LTBP2: variants seen among roughly 807,000 people sequenced by gnomAD.
LTBP2 encodes latent transforming growth factor beta binding protein 2, also known as latent-transforming growth factor beta-binding protein 2.
Under a neutral mutation model 210.6 loss-of-function variants are expected in LTBP2, and 103 were observed. The ratio of observed to expected loss-of-function variants is 0.49; its 90% CI spans 0.42 to 0.58. The LOEUF (loss-of-function observed/expected upper bound fraction) is 0.58, where lower values mean the gene tolerates loss of function less well. Among genes scored for constraint, LTBP2 ranks in the 20% least tolerant of loss-of-function variants. LTBP2 has a pLI of 0.00. For synonymous variants in LTBP2, 1,007 were observed against 1,015.0 expected, an observed-to-expected ratio of 0.99 and a Z score of 0.15; for missense variants, 2,313 against 2,494.5, an observed-to-expected ratio of 0.93 and a Z score of 1.55.
intron 8 of LTBP2, among the ~76,000 whole-genome samples, chr14:74,544,612 C>G (rs1402639113): frequency 1.3e-5 from 2 of 152,180 alleles, no homozygotes; most frequent in Non-Finnish European, 2.9e-5. Flanking sequence ...GGGCTGGCAT[C>G]ACAGAGCTAC....
At chr14:74,570,956 G>A (rs2087967342) in intron 3 of LTBP2, among the ~76,000 whole-genome samples, 2 of 152,048 alleles carry the variant, frequency 1.3e-5, no homozygotes, top group South Asian at 4.2e-4. Context: ...CCGAGGCAGG[G>A]GACAAGTAAG....
At chr14:74,515,526 G>A (rs1360617636) in intron 18 of LTBP2, among the ~76,000 whole-genome samples, 2 of 152,008 alleles carry the variant, frequency 1.3e-5, no homozygotes, top group African/African-American at 4.8e-5. Flanking sequence ...CAAAGTGCTG[G>A]GATTACAGAT....
Position 74,511,362 on chromosome 14 carries a change from T to C in LTBP2, c.2911A>G (p.Ile971Val). ...GTACCGGGGTGACGGCATTCGTTGA[T>C]ATCTGCAAAACAGCAGCCCCTCCCT... ...IMVRKGHCQD[I>V]NECRHPGTCP... The change falls in exon 19 of 36, where the codon ATC (isoleucine) becomes GTC (valine). Residue 971 changes from isoleucine (I) to valine (V), a missense_variant and splice_region_variant. Transcript: ENST00000261978. 6.2e-7 allele frequency: 1 copy of C among 1,614,042 alleles called. No homozygotes were observed. The highest frequency in any genetic ancestry group is 1.3e-5 in the African/African-American group (1 of 75,036).
chr14:74,503,803 G>A lies in LTBP2; in HGVS notation c.4582+123C>T. Reference sequence around the variant, plus strand: ...CTCCTTCACCTGGGACCAGCCTGCTGCAGTGGGCGGCCTCCCTAGGAAGGG... The same window carrying A: ...CTCCTTCACCTGGGACCAGCCTGCTACAGTGGGCGGCCTCCCTAGGAAGGG... On this transcript the variant is annotated intron_variant, in intron 31 of 35. Transcript: ENST00000261978. 6 of 1,451,040 alleles carry A rather than the reference G, an allele frequency of 4.1e-6. No individual in the cohort carries two copies. In the South Asian group the frequency reaches 7.3e-5, roughly 18 times the overall value. 89.9% of individuals were successfully genotyped at this position (1,451,040 alleles called of 1,614,324 possible).
At chr14:74,551,799 A>G (rs1338131260) in intron 6 of LTBP2, among the ~76,000 whole-genome samples, 3 of 152,098 alleles carry the variant, frequency 2.0e-5, no homozygotes, top group Admixed American at 1.3e-4. Flanking sequence ...TGATCCCCTA[A>G]AGCATTCTGT....
intron 27 of LTBP2, 85 bp downstream of exon 27, chr14:74,506,613 C>T: frequency 6.3e-7 from 1 of 1,591,394 alleles, no homozygotes; most frequent in Non-Finnish European, 8.5e-7. Flanking sequence ...GTGATGGAGC[C>T]ACGTGACCAG....
chr14:74,530,392 C>T (rs1273902022), intron 10 of LTBP2, among the ~76,000 whole-genome samples: 1 of 152,188 alleles, frequency 6.6e-6, no homozygotes, highest in Non-Finnish European at 1.5e-5. Flanking sequence ...ATCTGGTGAC[C>T]ACCTTTGAAG....
chr14:74,527,016 C>T (rs1457137776), intron 13 of LTBP2, among the ~76,000 whole-genome samples: 1 of 152,200 alleles, frequency 6.6e-6, no homozygotes, highest in Non-Finnish European at 1.5e-5. Context: ...CTCCACACCT[C>T]GTCTGCAGTG....
At chr14:74,585,633 C>T (rs915504679) in intron 3 of LTBP2, among the ~76,000 whole-genome samples, 1 of 152,180 alleles carries the variant, frequency 6.6e-6, no homozygotes, top group Non-Finnish European at 1.5e-5. Context: ...CTTCCCTCCT[C>T]CTCTTCCCAC....
At chr14:74,507,826 C>A (rs1386214893) in intron 25 of LTBP2, 147 bp downstream of exon 25, 3 of 1,065,642 alleles carry the variant, frequency 2.8e-6, no homozygotes, top group African/African-American at 1.6e-5. Flanking sequence ...CCTTGGACAG[C>A]CCCTGAGCCC....
chr14:74,507,979 ACT>A lies in LTBP2; in HGVS notation c.3767_3768del (p.Glu1256ValfsTer5). ...CTCCCCCCAGAGCCCTTACCCACAC[ACT>A]CTCCACTCTCTGGGGAGGGCTGGAA... is the stretch of plus-strand genomic sequence containing the variant. ...TGFQPSPESG[E>X]CVDIDECEDY... On this transcript the variant is annotated frameshift_variant, in exon 25 of 36. Coordinates refer to ENST00000261978, the MANE Select transcript of LTBP2 (RefSeq NM_000428.3). LOFTEE classifies it high-confidence loss of function. 1.9e-6 allele frequency: 3 copies of A among 1,612,934 alleles called. No homozygotes were observed. Among genetic ancestry groups the A allele is most frequent in the Non-Finnish European group, 2.5e-6 (3 of 1,179,898 alleles).
chr14:74,531,813 G>A (rs2087354054), intron 10 of LTBP2, among the ~76,000 whole-genome samples: 1 of 152,246 alleles, frequency 6.6e-6, no homozygotes, highest in Non-Finnish European at 1.5e-5. Context: ...TTCTGCCATT[G>A]GGGGCTGCTG....
At chr14:74,536,675 A>G (rs1391187010) in intron 8 of LTBP2, among the ~76,000 whole-genome samples, 1 of 152,136 alleles carries the variant, frequency 6.6e-6, no homozygotes, top group East Asian at 1.9e-4. Context: ...GTGAAACCCC[A>G]TCTCTACTAA....
In LTBP2 at chr14:74,527,919, G is replaced by A. The variant is rs148213520; in HGVS notation, c.2369-553C>T. On this transcript the variant is annotated intron_variant, in intron 12 of 35. Transcript: ENST00000261978. The stretch of plus-strand genomic sequence containing the variant: ...AGCAGTTTGACCAATCACATAGTTT[G>A]CTGGCGCTATGACGTTCCAGGCCTC... 3.0e-3 allele frequency among the ~76,000 whole-genome samples: 454 copies of A among 152,356 alleles called. 10 individuals are homozygous for A. In the South Asian group the frequency reaches 0.078, roughly 26 times the overall value.
At chr14:74,548,363 T>A (rs1033641574) in intron 8 of LTBP2, among the ~76,000 whole-genome samples, 5 of 152,056 alleles carry the variant, frequency 3.3e-5, no homozygotes, top group Admixed American at 3.3e-4. Flanking sequence ...TCATTCCTGA[T>A]GCCTACCAGC....
At chr14:74,566,877 A>G (rs1443759395) in intron 3 of LTBP2, among the ~76,000 whole-genome samples, 1 of 152,128 alleles carries the variant, frequency 6.6e-6, no homozygotes, top group Non-Finnish European at 1.5e-5. Flanking sequence ...CATGAGTCAC[A>G]TCCCCAGTGC....
At chr14:74,501,342 C>T in intron 35 of LTBP2, 99 bp downstream of exon 35, 1 of 1,546,784 alleles carries the variant, frequency 6.5e-7, no homozygotes. Context: ...GCAGACAGCC[C>T]CACTAGGAGG....
intron 25 of LTBP2, 88 bp from the exon 26 acceptor site, chr14:74,507,398 G>T (rs755041895): frequency 1.9e-5 from 30 of 1,566,148 alleles, no homozygotes; most frequent in Non-Finnish European, 2.5e-5. Flanking sequence ...AACCTCTGGG[G>T]TTCTTGATCT....
At chr14:74,608,006 C>T (rs1472729060) in intron 1 of LTBP2, among the ~76,000 whole-genome samples, 1 of 151,666 alleles carries the variant, frequency 6.6e-6, no homozygotes, top group Non-Finnish European at 1.5e-5. Context: ...CTGCAAGCTC[C>T]GCTTCCCGGG....
Sources: gnomAD v4.1 joint callset for allele counts (sites outside exome capture counted in the v4.1 genomes callset) on GRCh38, gnomAD v4.1.1 for gene constraint, MANE v1.5 for transcripts, NCBI Gene and HGNC (gene_info 2026-07-23, HGNC 2026-07-21) for gene names.